MFNG: variants seen among roughly 807,000 people sequenced by gnomAD.
MFNG encodes MFNG O-fucosylpeptide 3-beta-N-acetylglucosaminyltransferase, also known as beta-1,3-N-acetylglucosaminyltransferase manic fringe.
Under a neutral mutation model 34.2 loss-of-function variants are expected in MFNG, and 24 were observed. The observed-to-expected ratio is 0.70, with a 90% confidence interval of 0.51 to 0.99. MFNG has a LOEUF of 0.99. Ranked by LOEUF, MFNG falls within the 50% of genes least tolerant of loss-of-function variation. The probability of loss-of-function intolerance (pLI) is 0.00; values close to 1 mark genes in which losing one functional copy is unlikely to be tolerated. For synonymous variants in MFNG, 158 were observed against 179.2 expected, an observed-to-expected ratio of 0.88 and a Z score of 0.94; for missense variants, 383 against 424.0, an observed-to-expected ratio of 0.90 and a Z score of 0.85.
At position 37,476,552 on chromosome 22, in the gene MFNG, C is replaced by T. The variant is rs561478929; in HGVS notation, c.647+344G>A. ...ACGGCATTGACCAGTCAGAAAAGGG[C>T]GGTAAATAGCACCTACCAGGGCCAG... is the stretch of plus-strand genomic sequence containing the variant. On this transcript the variant is annotated intron_variant, in intron 5 of 7. Coordinates refer to ENST00000356998, the MANE Select transcript of MFNG (RefSeq NM_002405.4). 2.6e-5 allele frequency among the ~76,000 whole-genome samples: 4 copies of T among 152,208 alleles called. No homozygotes were observed. The South Asian group carries it at 6.2e-4, about 24-fold the overall frequency.
Position 37,486,375 on chromosome 22 carries a change from T to G in MFNG, c.-198A>C. ...GCACGATCTCGACCGCCGCCAGTCCTCCACCTGCTCCCGCTGTCCGGCCTG... is the reference window on the plus strand; with the variant it reads ...GCACGATCTCGACCGCCGCCAGTCCGCCACCTGCTCCCGCTGTCCGGCCTG... On this transcript the variant is annotated 5_prime_UTR_variant, in exon 1 of 8. Coordinates refer to ENST00000356998, the MANE Select transcript of MFNG (RefSeq NM_002405.4). 2.1e-6 allele frequency: 1 copy of G among 477,030 alleles called. No individual in the cohort carries two copies. The highest frequency in any genetic ancestry group is 3.4e-6 in the Non-Finnish European group (1 of 293,014). 29.5% of individuals were successfully genotyped at this position (477,030 alleles called of 1,614,324 possible).
intron 4 of MFNG, 110 bp from the exon 5 acceptor site, chr22:37,477,091 T>C: frequency 1.2e-6 from 1 of 867,560 alleles, no homozygotes. Flanking sequence ...AAGCCCTTTA[T>C]TTTGAATCTC....
chr22:37,477,192 G>A (rs1034894233), intron 4 of MFNG, among the ~76,000 whole-genome samples: 2 of 152,248 alleles, frequency 1.3e-5, no homozygotes, highest in African/African-American at 4.8e-5. Flanking sequence ...TATGAGTGGT[G>A]AGGTCACTGA....
At position 37,479,513 on chromosome 22, in the gene MFNG, C is replaced by T. The variant is rs775796375; in HGVS notation, c.408-15G>A. The stretch of plus-strand genomic sequence containing the variant: ...GGCAGAACCACCTGTAGGGATGAAA[C>T]GGGGACAGTGAACTTGTTGGGGGGG... On this transcript the variant is annotated splice_polypyrimidine_tract_variant and intron_variant, in intron 3 of 7. Transcript: ENST00000356998. 2.5e-5 allele frequency: 41 copies of T among 1,608,406 alleles called. No individual in the cohort carries two copies. In the African/African-American group the frequency reaches 2.9e-4, roughly 12 times the overall value.
intron 1 of MFNG, chr22:37,484,524 C>T (rs936092743): frequency 2.6e-5 from 4 of 152,514 alleles, no homozygotes; most frequent in Admixed American, 2.6e-4. Flanking sequence ...TCTGTCCCCT[C>T]AGGCCTTCTG....
At chr22:37,481,121 G>A (rs192169955) in intron 1 of MFNG, 52 of 295,418 alleles carry the variant, frequency 1.8e-4, no homozygotes, top group Middle Eastern at 2.0e-3. Context: ...AGCTGCACTC[G>A]GCTCCTCCAC....
intron 4 of MFNG, 104 bp from the exon 5 acceptor site, chr22:37,477,085 C>A: frequency 1.1e-6 from 1 of 932,866 alleles, no homozygotes. Context: ...GCTCAAAAGC[C>A]CTTTATTTTG....
chr22:37,470,750 T>C (rs1166063101), intron 7 of MFNG, among the ~76,000 whole-genome samples: 5 of 152,120 alleles, frequency 3.3e-5, no homozygotes, highest in Admixed American at 6.5e-5. Context: ...CCTCCAAGCA[T>C]CACAAGCGTC....
chr22:37,479,918 C>T, intron 3 of MFNG, among the ~76,000 whole-genome samples: 1 of 152,032 alleles, frequency 6.6e-6, no homozygotes, highest in East Asian at 1.9e-4. Context: ...GCAGGAGAAT[C>T]GCTTGAATCC....
chr22:37,475,030 G>C (rs899487507), intron 5 of MFNG, among the ~76,000 whole-genome samples: 9 of 152,146 alleles, frequency 5.9e-5, no homozygotes, highest in Non-Finnish European at 8.8e-5. Flanking sequence ...CTAGGGCTGA[G>C]GATACAGAGA....
At position 37,482,729 on chromosome 22, in the gene MFNG, C is replaced by A. The variant is rs149001354; in HGVS notation, c.256-1960G>T. On this transcript the variant is annotated intron_variant, in intron 1 of 7. Transcript: ENST00000356998. The surrounding 1 kb of genome is among the most constrained non-coding windows in gnomAD (Gnocchi z 4.1). ...ACGATGGCATCCTGGAGACCACAGG[C>A]TGGGTCCAATTTGTCTCCTTGCTCC... is the stretch of plus-strand genomic sequence containing the variant. Among the ~76,000 whole-genome samples, 619 of 152,314 alleles carry A rather than the reference C, an allele frequency of 4.1e-3. 3 individuals carry two copies. Among genetic ancestry groups the A allele is most frequent in the Non-Finnish European group, 4.2e-3 (283 of 68,018 alleles).
rs1001338338 is a variant in MFNG, at chr22:37,486,353, C to G, written c.-176G>C. 7.1e-5 allele frequency: 41 copies of G among 578,312 alleles called. No individual in the cohort carries two copies. In the Admixed American group the frequency reaches 1.2e-3, roughly 17 times the overall value. 35.8% of individuals were successfully genotyped at this position (578,312 alleles called of 1,614,324 possible). On this transcript the variant is annotated 5_prime_UTR_variant, in exon 1 of 8. Coordinates refer to ENST00000356998, the MANE Select transcript of MFNG (RefSeq NM_002405.4). ...ACCCAGAGGCTGAGCCATGGCAGCA[C>G]GATCTCGACCGCCGCCAGTCCTCCA...
chr22:37,474,815 C>T, intron 5 of MFNG, 138 bp from the exon 6 acceptor site: 1 of 914,264 alleles, frequency 1.1e-6, no homozygotes, highest in South Asian at 1.9e-5. Flanking sequence ...TGACCTTGAG[C>T]AAGTCAGGAA....
intron 3 of MFNG, among the ~76,000 whole-genome samples, chr22:37,479,779 G>A (rs1355927164): frequency 6.6e-6 from 1 of 152,156 alleles, no homozygotes; most frequent in Non-Finnish European, 1.5e-5. Context: ...CGAGGCAGGT[G>A]AATCACCTGA....
At chr22:37,477,054 C>T in intron 4 of MFNG, 73 bp from the exon 5 acceptor site, 1 of 1,273,898 alleles carries the variant, frequency 7.8e-7, no homozygotes, top group Non-Finnish European at 1.1e-6. Context: ...GCCAGGCCAC[C>T]CTTCACCCCC....
In MFNG at chr22:37,485,870, GA is replaced by G. The variant is rs1429256719; in HGVS notation, c.255+52del. 6.4e-7 allele frequency: 1 copy of G among 1,559,330 alleles called. No individual in the cohort carries two copies. Among genetic ancestry groups the G allele is most frequent in the Admixed American group, 1.9e-5 (1 of 53,948 alleles). ...CCCAGCCCAGTAGAAAGGCCTCTGA[GA>G]ACCCCTTAGGCCAGGGGCCACCCCC... On this transcript the variant is annotated intron_variant, in intron 1 of 7. Coordinates refer to ENST00000356998, the MANE Select transcript of MFNG (RefSeq NM_002405.4). The surrounding 1 kb of genome is among the most constrained non-coding windows in gnomAD (Gnocchi z 5.3).
intron 4 of MFNG, among the ~76,000 whole-genome samples, chr22:37,478,448 T>C (rs1170242156): frequency 1.3e-5 from 2 of 152,154 alleles, no homozygotes; most frequent in Non-Finnish European, 2.9e-5. Context: ...TAACTGGATG[T>C]AGTGGTTTTT....
At position 37,479,873 on chromosome 22, in the gene MFNG, G is replaced by A. The variant is rs1424376579; in HGVS notation, c.407+324C>T. On this transcript the variant is annotated intron_variant, in intron 3 of 7. Coordinates refer to ENST00000356998, the MANE Select transcript of MFNG (RefSeq NM_002405.4). ...ACAAAAGTTAGCCAGGCATGATGGTGGGCATCTGTCATCCCAGCTACTTGG... is the reference window on the plus strand; with the variant it reads ...ACAAAAGTTAGCCAGGCATGATGGTAGGCATCTGTCATCCCAGCTACTTGG... Among the ~76,000 whole-genome samples, 4 of 152,058 alleles carry A rather than the reference G, an allele frequency of 2.6e-5. No individual in the cohort carries two copies. In the East Asian group the frequency reaches 7.7e-4, roughly 29 times the overall value.
rs1922258786 is a variant in MFNG at position 37,480,762 on chromosome 22, A to C, written c.263T>G (p.Val88Gly). 1 of 1,613,418 alleles carries C rather than the reference A, an allele frequency of 6.2e-7. No individual in the cohort carries two copies. The highest frequency in any genetic ancestry group is 2.2e-5 in the East Asian group (1 of 44,874). Residue 88 changes from valine to glycine, a missense_variant, in exon 2 of 8, where the codon GTC (valine) becomes GGC (glycine). Coordinates refer to ENST00000356998, the MANE Select transcript of MFNG (RefSeq NM_002405.4). Reference protein sequence around the residue: ...WVSRTREQTFVFTDSPDKGLQ... With the variant: ...WVSRTREQTFGFTDSPDKGLQ... ...GCCTTTGTCTGGGCTGTCGGTGAAG[A>C]CAAATGTCTAGGAAGGAGAAGAAGG...
Sources: gnomAD v4.1 joint callset for allele counts (sites outside exome capture counted in the v4.1 genomes callset) on GRCh38, gnomAD v4.1.1 for gene constraint, Gnocchi (gnomAD v3.1) non-coding constraint, MANE v1.5 for transcripts, NCBI Gene and HGNC (gene_info 2026-07-23, HGNC 2026-07-21) for gene names.